Variants in LIMD1 observed in about 807,000 individuals in gnomAD.
The protein encoded by LIMD1 is LIM domain-containing protein 1.
LIMD1 carries 23 observed loss-of-function variants against 58.4 expected under a neutral mutation model. That is an observed-to-expected ratio of 0.39 (90% confidence interval 0.28 to 0.56). LIMD1 has a LOEUF of 0.56. LIMD1 is among the 20% of genes least tolerant of loss of function. The pLI is 0.57. For synonymous variants in LIMD1, 334 were observed against 345.5 expected (o/e 0.97, Z 0.37); for missense variants, 838 against 855.5 (o/e 0.98, Z 0.25).
chr3:45,627,045 C>T (rs1701674170), intron 1 of LIMD1, among the ~76,000 whole-genome samples: 1 of 152,282 alleles, frequency 6.6e-6, no homozygotes, highest in African/African-American at 2.4e-5. Flanking sequence ...CCCCCACCTC[C>T]TTTGGTGTCC....
intron 2 of LIMD1, among the ~76,000 whole-genome samples, chr3:45,648,891 T>G (rs558677594): frequency 2.6e-4 from 39 of 152,354 alleles, no homozygotes; most frequent in African/African-American, 8.7e-4. Context: ...AAATGTCTTC[T>G]CAATTCCCTG....
rs1559510567 is a variant in LIMD1 at position 45,594,797 on chromosome 3, A to ACACACACACACACACACACACACAC, written c.-82_-58dup. The ACACACACACACACACACACACACAC allele has an allele frequency of 1.2e-3, 159 of 129,534 alleles. No individual in the cohort carries two copies. Among genetic ancestry groups the ACACACACACACACACACACACACAC allele is most frequent in the East Asian group, 2.4e-3 (6 of 2,472 alleles). The allele number at this position is 129,534 out of a possible 1,614,324, so 8.0% of individuals were successfully genotyped here. On this transcript the variant is annotated 5_prime_UTR_variant, in exon 1 of 8. Transcript: ENST00000273317. Reference sequence around the variant, plus strand: ...GCCCTCAACACACACACACACACACACACACACACACACACACACACACAC... The same window carrying ACACACACACACACACACACACACAC: ...GCCCTCAACACACACACACACACACACACACACACACACACACACACACACCACACACACACACACACACACACAC...
At chr3:45,665,618 T>C (rs1309152650) in intron 2 of LIMD1, 32 bp from the exon 3 acceptor site, 1 of 1,599,726 alleles carries the variant, frequency 6.3e-7, no homozygotes, top group Non-Finnish European at 8.5e-7. Context: ...AATTTTTCTT[T>C]TTTTACCCTG....
At chr3:45,649,419 C>T (rs113846899) in intron 2 of LIMD1, among the ~76,000 whole-genome samples, 74 of 151,784 alleles carry the variant, frequency 4.9e-4, no homozygotes, top group African/African-American at 1.6e-3. Flanking sequence ...CGGTGGCTCA[C>T]GCCTGTAATC....
chr3:45,633,245 A>G (rs985025641), intron 1 of LIMD1, among the ~76,000 whole-genome samples: 10 of 152,186 alleles, frequency 6.6e-5, no homozygotes, highest in Admixed American at 5.9e-4. Context: ...CATGCATTTC[A>G]TGGCCATTAA....
chr3:45,669,927 T>C (rs146104440), intron 4 of LIMD1, among the ~76,000 whole-genome samples: 175 of 152,356 alleles, frequency 1.1e-3, no homozygotes, highest in African/African-American at 4.1e-3. Context: ...GCTGGTTATA[T>C]GCTAATATTT....
At chr3:45,603,111 G>A (rs1001646129) in intron 1 of LIMD1, among the ~76,000 whole-genome samples, 1 of 152,216 alleles carries the variant, frequency 6.6e-6, no homozygotes, top group African/African-American at 2.4e-5. Flanking sequence ...AAAGTGCTGG[G>A]ATTACAGGCG....
intron 1 of LIMD1, among the ~76,000 whole-genome samples, chr3:45,605,899 G>A (rs1022514020): frequency 6.6e-6 from 1 of 152,230 alleles, no homozygotes; most frequent in Non-Finnish European, 1.5e-5. Context: ...TCATAGGACA[G>A]TGGGCTCAGG....
At chr3:45,615,887 T>G (rs1465172921) in intron 1 of LIMD1, among the ~76,000 whole-genome samples, 2 of 151,910 alleles carry the variant, frequency 1.3e-5, no homozygotes. Context: ...GGAGTTTTCG[T>G]CTCCTGAAGA....
At chr3:45,658,247 C>A (rs958699225) in intron 2 of LIMD1, among the ~76,000 whole-genome samples, 1 of 152,156 alleles carries the variant, frequency 6.6e-6, no homozygotes, top group Admixed American at 6.5e-5. Context: ...TTCTTCAGAG[C>A]AAACTAAGCC....
intron 1 of LIMD1, among the ~76,000 whole-genome samples, chr3:45,602,491 T>C (rs1464764743): frequency 6.6e-6 from 1 of 152,158 alleles, no homozygotes; most frequent in Non-Finnish European, 1.5e-5. Flanking sequence ...GGCATTGTGT[T>C]TGGTTTTTCT....
chr3:45,684,961 A>G lies in LIMD1; in HGVS notation c.*7902A>G, dbSNP rs1163398785. On this transcript the variant is annotated 3_prime_UTR_variant, in exon 8 of 8. Coordinates refer to ENST00000273317, the MANE Select transcript of LIMD1 (RefSeq NM_014240.3). ...TGCTTTTTATTAAAAGAAAAGCCTT[A>G]CCAAGGACTCCTGTACCCTATCTGC... 6.6e-6 allele frequency: 1 copy of G among 152,188 alleles called. No homozygotes were observed. 9.4% of individuals were successfully genotyped at this position (152,188 alleles called of 1,614,324 possible).
chr3:45,660,502 G>A (rs977800142), intron 2 of LIMD1, among the ~76,000 whole-genome samples: 3 of 137,476 alleles, frequency 2.2e-5, no homozygotes, highest in African/African-American at 8.2e-5. Context: ...TGCAGCCTCC[G>A]CCTCCCAGGT....
chr3:45,595,480 G>A lies in LIMD1; in HGVS notation c.601G>A (p.Gly201Ser). Residue 201 changes from glycine (G) to serine (S), a missense_variant, in exon 1 of 8, where the codon GGC (glycine) becomes AGC (serine). Physicochemically the swap from Gly to Ser is moderately conservative, Grantham distance 56 (BLOSUM62 0). This residue lies in a region of LIMD1 where 659 missense variants were observed against 639.8 expected (regional missense o/e 1.03). Coordinates refer to ENST00000273317, the MANE Select transcript of LIMD1 (RefSeq NM_014240.3). ...CAAACCAGGAGTGTCCCCCAGCATC[G>A]GCCTGAGTGTAGGGAGTGGGTGGCC... Reference protein sequence around the residue: ...GDKPGVSPSIGLSVGSGWPSS... With the variant: ...GDKPGVSPSISLSVGSGWPSS... 4 of 1,613,872 alleles carry A rather than the reference G, an allele frequency of 2.5e-6. No homozygotes were observed. Among genetic ancestry groups the A allele is most frequent in the Non-Finnish European group, 3.4e-6 (4 of 1,179,878 alleles).
chr3:45,638,778 A>G (rs909772355), intron 2 of LIMD1, among the ~76,000 whole-genome samples: 2 of 152,148 alleles, frequency 1.3e-5, no homozygotes, highest in African/African-American at 4.8e-5. Flanking sequence ...GTGTATAAGC[A>G]TTGCCTTTTC....
chr3:45,595,321 T>C lies in LIMD1; in HGVS notation c.442T>C (p.Cys148Arg). The change falls in exon 1 of 8, where the codon TGT becomes CGT. Residue 148 changes from cysteine (C) to arginine (R), a missense_variant. Cys to Arg is a radical substitution (Grantham distance 180). Coordinates refer to ENST00000273317, the MANE Select transcript of LIMD1 (RefSeq NM_014240.3). ...TGGCACGAGGCATGGCAGCCAGGAC[T>C]GTGGTTCCAGGGAGAGCCTGGCGAC... The part of the protein sequence containing the change: ...LHGTRHGSQD[C>R]GSRESLATSE... 1 of 1,613,536 alleles carries C rather than the reference T, an allele frequency of 6.2e-7. No homozygotes were observed. Among genetic ancestry groups the C allele is most frequent in the Admixed American group, 1.7e-5 (1 of 60,036 alleles).
At chr3:45,659,819 C>G (rs1697403091) in intron 2 of LIMD1, among the ~76,000 whole-genome samples, 1 of 152,232 alleles carries the variant, frequency 6.6e-6, no homozygotes, top group Admixed American at 6.5e-5. Context: ...GATAACCTCA[C>G]TGAGTCAGAG....
chr3:45,642,371 C>G (rs886560239), intron 2 of LIMD1, among the ~76,000 whole-genome samples: 2 of 151,896 alleles, frequency 1.3e-5, no homozygotes, highest in Non-Finnish European at 2.9e-5. Context: ...GAGACAGGGT[C>G]TTGCTATGTT....
intron 3 of LIMD1, among the ~76,000 whole-genome samples, chr3:45,666,217 T>C (rs1422888732): frequency 1.3e-5 from 2 of 152,206 alleles, no homozygotes; most frequent in Non-Finnish European, 2.9e-5. Flanking sequence ...AGAAAAATCT[T>C]ACCTTGCCTT....
Sources: allele counts gnomAD v4.1 joint callset (sites outside exome capture counted in the v4.1 genomes callset), GRCh38; gene constraint gnomAD v4.1.1; regional missense constraint gnomAD v4.1.1; transcripts MANE v1.5; gene names NCBI Gene and HGNC (gene_info 2026-07-23, HGNC 2026-07-21).